Variants in GRHPR observed in about 807,000 individuals in gnomAD.
The protein encoded by GRHPR is glyoxylate and hydroxypyruvate reductase.
In GRHPR, 35 loss-of-function variants were observed where a neutral mutation model predicts 36.8. That is an observed-to-expected ratio of 0.95 (90% CI 0.73 to 1.26). GRHPR has a LOEUF of 1.26. GRHPR is among the 50% of genes most tolerant of loss of function. The pLI, the probability that GRHPR is intolerant of heterozygous loss-of-function variation, is 0.00. For synonymous variants in GRHPR, 179 were observed against 181.0 expected, an observed-to-expected ratio of 0.99 and a Z score of 0.09; for missense variants, 380 against 435.0, an observed-to-expected ratio of 0.87 and a Z score of 1.12.
At chr9:37,422,604 C>T (rs1822877855), upstream of GRHPR, 4 of 695,546 alleles carry the variant, frequency 5.8e-6, no homozygotes, top group South Asian at 6.3e-5. Flanking sequence ...AGCCGCAACC[C>T]GGCGCTCCCT....
chr9:37,429,662 C>A, intron 5 of GRHPR, 70 bp from the exon 6 acceptor site: 1 of 1,008,338 alleles, frequency 9.9e-7, no homozygotes, highest in South Asian at 1.3e-5. Context: ...GGCCGCTGTT[C>A]CAGAAATGCT....
downstream of GRHPR, chr9:37,438,065 G>A (rs1478920551): frequency 6.6e-6 from 1 of 152,134 alleles, no homozygotes; most frequent in Admixed American, 6.5e-5. Flanking sequence ...ACCCTCTTTG[G>A]TTTCAACCTT....
At chr9:37,431,711 G>A in intron 7 of GRHPR, 1 of 366,866 alleles carries the variant, frequency 2.7e-6, no homozygotes, top group Non-Finnish European at 5.3e-6. Context: ...CTCCCAACAT[G>A]CCTGGGAGTT....
rs373754316 is a variant in GRHPR at position 37,427,091 on chromosome 9, TAAAG to T, written c.404+438_404+441del. ...CCATTGAGTGAGGACTCAGCTAAAA[TAAAG>T]CACAAAGCAGAGCTGCAATAAGGGC... On this transcript the variant is annotated intron_variant, in intron 4 of 8. Transcript: ENST00000318158. Among the ~76,000 whole-genome samples the T allele has an allele frequency of 4.8e-3, 729 of 152,060 alleles. 4 individuals are homozygous for T. Among genetic ancestry groups the T allele is most frequent in the African/African-American group, 0.017 (711 of 41,470 alleles).
At chr9:37,422,589 C>G, upstream of GRHPR, 2 of 670,496 alleles carry the variant, frequency 3.0e-6, no homozygotes, top group Non-Finnish European at 5.4e-6. Flanking sequence ...GCACAGTCAC[C>G]GCTCAGCCGC....
At chr9:37,433,226 ACAT>A (rs1823456033) in intron 8 of GRHPR, among the ~76,000 whole-genome samples, 2 of 136,100 alleles carry the variant, frequency 1.5e-5, no homozygotes, top group Admixed American at 1.7e-4. Flanking sequence ...AGTGGTTCTC[ACAT>A]TTTTTTTTTT....
At chr9:37,428,324 C>T in intron 4 of GRHPR, 160 bp from the exon 5 acceptor site, 3 of 636,358 alleles carry the variant, frequency 4.7e-6, no homozygotes, top group Non-Finnish European at 8.7e-6. Flanking sequence ...GTTTCTGCTG[C>T]TCATCTGCAG....
At chr9:37,436,529 G>A (rs916520983) in intron 8 of GRHPR, 132 bp from the exon 9 acceptor site, 1 of 979,300 alleles carries the variant, frequency 1.0e-6, no homozygotes, top group Non-Finnish European at 1.6e-6. Flanking sequence ...TGGGAGAGAA[G>A]GCAAAGCATG....
Position 37,430,574 on chromosome 9 carries a change from C to T in GRHPR, c.662C>T (p.Ala221Val), listed in dbSNP as rs772410150. ...FIVVACSLTP[A>V]TEGLCNKDFF... ...GTCGTGGCCTGCTCCTTAACACCTG[C>T]AACCGAGGGACTCTGCAACAAGGAC... is the stretch of plus-strand genomic sequence containing the variant. Residue 221 changes from alanine to valine, a missense_variant, in exon 7 of 9, where the codon GCA becomes GTA. Transcript: ENST00000318158. 5 of 1,613,350 alleles carry T rather than the reference C, an allele frequency of 3.1e-6. No individual in the cohort carries two copies. The highest frequency in any genetic ancestry group is 1.1e-5 in the South Asian group (1 of 91,074).
Position 37,436,770 on chromosome 9 carries a change from A to C in GRHPR, c.975A>C (p.Glu325Asp). 1 of 1,613,970 alleles carries C rather than the reference A, an allele frequency of 6.2e-7. No individual in the cohort carries two copies. The highest frequency in any genetic ancestry group is 8.5e-7 in the Non-Finnish European group (1 of 1,179,928). Reference sequence around the variant, plus strand: ...TGAGAGGGGAGCCGATGCCTAGTGAACTCAAGCTGTAGCCAAACAGTAGAG... The same window carrying C: ...TGAGAGGGGAGCCGATGCCTAGTGACCTCAAGCTGTAGCCAAACAGTAGAG... ...AGLRGEPMPS[E>D]LKL is the part of the protein sequence containing the mutation. The change falls in exon 9 of 9, where the codon GAA becomes GAC. Residue 325 changes from glutamate to aspartate, a missense_variant. Coordinates refer to ENST00000318158, the MANE Select transcript of GRHPR (RefSeq NM_012203.2).
At chr9:37,438,990 C>A (rs1443226287), downstream of GRHPR, 1 of 152,202 alleles carries the variant, frequency 6.6e-6, no homozygotes, top group Non-Finnish European at 1.5e-5. Context: ...ATTTTTGTTT[C>A]CAGCTACACA....
At chr9:37,434,065 G>A (rs1297722594) in intron 8 of GRHPR, 2 of 149,944 alleles carry the variant, frequency 1.3e-5, no homozygotes, top group Non-Finnish European at 2.8e-5. Flanking sequence ...TTCAGCTCAC[G>A]GCCTGGGGAC....
chr9:37,430,876 A>G (rs1208821490), intron 7 of GRHPR: 1 of 639,842 alleles, frequency 1.6e-6, no homozygotes. Flanking sequence ...AGTGGCCCCC[A>G]CCCGGCGGGG....
intron 8 of GRHPR, among the ~76,000 whole-genome samples, chr9:37,435,383 C>T (rs1028654399): frequency 2.0e-5 from 3 of 152,176 alleles, no homozygotes; most frequent in Admixed American, 6.5e-5. Flanking sequence ...CATTCAGCTC[C>T]GGGTTTTCTA....
At chr9:37,428,422 C>G (rs1289201827) in intron 4 of GRHPR, 62 bp from the exon 5 acceptor site, 1 of 1,092,904 alleles carries the variant, frequency 9.1e-7, no homozygotes, top group African/African-American at 1.5e-5. Flanking sequence ...GTGCCGGGTT[C>G]TCAGCGGCCC....
rs774233908 is a variant in GRHPR, at chr9:37,428,548, G to A, written c.469G>A (p.Gly157Ser). 23 of 1,610,292 alleles carry A rather than the reference G, an allele frequency of 1.4e-5. No homozygotes were observed. Among genetic ancestry groups the A allele is most frequent in the African/African-American group, 2.7e-5 (2 of 74,902 alleles). ...CGYGLTQSTV[G>S]IIGLGRIGQA... ...CTATGGACTCACGCAGAGCACTGTCGGCATCATCGGGCTGGGGCGCATAGG... is the reference window on the plus strand; with the variant it reads ...CTATGGACTCACGCAGAGCACTGTCAGCATCATCGGGCTGGGGCGCATAGG... Residue 157 changes from glycine to serine, a missense_variant, in exon 5 of 9, where the codon GGC becomes AGC. Gly to Ser is a moderately conservative substitution (Grantham distance 56). Coordinates refer to ENST00000318158, the MANE Select transcript of GRHPR (RefSeq NM_012203.2).
Position 37,424,875 on chromosome 9 carries a change from G to A in GRHPR, c.114G>A (p.Glu38=), listed in dbSNP as rs572388564. 1.2e-6 allele frequency: 2 copies of A among 1,613,542 alleles called. No homozygotes were observed. The highest frequency in any genetic ancestry group is 2.2e-5 in the East Asian group (1 of 44,886). Residue 38 remains glutamate (E), a synonymous_variant, in exon 2 of 9, where the codon GAG becomes GAA. Transcript: ENST00000318158. ...DCEVEQWDSD[E]PIPAKELERG... ...AGGTGGAGCAGTGGGACTCGGATGA[G>A]CCCATCCCTGCCAAGGAGCTAGAGC... is the stretch of plus-strand genomic sequence containing the variant.
At chr9:37,427,432 A>G (rs968407179) in intron 4 of GRHPR, among the ~76,000 whole-genome samples, 12 of 152,222 alleles carry the variant, frequency 7.9e-5, no homozygotes, top group African/African-American at 2.9e-4. Flanking sequence ...CAGACACTGC[A>G]GAGGGTGATG....
At chr9:37,439,225 A>C (rs1385835122), downstream of GRHPR, 1 of 152,236 alleles carries the variant, frequency 6.6e-6, no homozygotes, top group Non-Finnish European at 1.5e-5. Flanking sequence ...GTGTCAGAGG[A>C]CAGCAAGGTG....
Sources: allele counts gnomAD v4.1 joint callset (sites outside exome capture counted in the v4.1 genomes callset), GRCh38; gene constraint gnomAD v4.1.1; transcripts MANE v1.5; gene names NCBI Gene and HGNC (gene_info 2026-07-23, HGNC 2026-07-21).